The following ITGAM variants were observed in gnomAD, a reference collection of about 807,000 sequenced individuals.
ITGAM encodes integrin subunit alpha M.
A neutral mutation model predicts 137.5 loss-of-function variants in ITGAM; 79 were observed. The observed-to-expected ratio is 0.57, with a 90% CI of 0.48 to 0.69. The LOEUF (loss-of-function observed/expected upper bound fraction) is 0.69, where lower values mean the gene tolerates loss of function less well. Ranked by LOEUF, ITGAM falls within the 30% of genes least tolerant of loss-of-function variation. The pLI, the probability that ITGAM is intolerant of heterozygous loss-of-function variation, is 0.00. For missense variants in ITGAM, 1,343 were observed against 1,483.5 expected, an observed-to-expected ratio of 0.91 and a Z score of 1.56; for synonymous variants, 583 against 592.3, an observed-to-expected ratio of 0.98 and a Z score of 0.23.
Position 31,297,797 on chromosome 16 carries a change from G to A in ITGAM, c.1550G>A (p.Trp517Ter). The A allele has an allele frequency of 3.1e-6, 5 of 1,608,826 alleles. No individual in the cohort carries two copies. The highest frequency in any genetic ancestry group is 4.2e-6 in the Non-Finnish European group (5 of 1,178,198). Residue 517 changes from tryptophan to a stop codon, truncating the protein, a stop_gained, in exon 14 of 30, where the codon TGG becomes TAG. Coordinates refer to ENST00000544665, the MANE Select transcript of ITGAM (RefSeq NM_000632.4). LOFTEE classifies it high-confidence loss of function. ...CTCTACGGGGAGCAGGGCCAACCCT[G>A]GGGCCGCTTTGGGGCAGCCCTAACA... ...AVLYGEQGQP[W>*]GRFGAALTVL...
At chr16:31,311,345 G>A (rs1394020473) in intron 14 of ITGAM, among the ~76,000 whole-genome samples, 3 of 152,142 alleles carry the variant, frequency 2.0e-5, no homozygotes, top group Non-Finnish European at 4.4e-5. Context: ...GAGTGAACAG[G>A]CAACCTACTG....
chr16:31,291,705 A>G (rs2080088799), intron 12 of ITGAM, among the ~76,000 whole-genome samples: 1 of 152,054 alleles, frequency 6.6e-6, no homozygotes, highest in South Asian at 2.1e-4. Context: ...CAAATATTGC[A>G]TGTTCTCATT....
intron 1 of ITGAM, among the ~76,000 whole-genome samples, 178 bp from the exon 2 acceptor site, chr16:31,261,514 T>G (rs1325788973): frequency 1.4e-5 from 2 of 146,634 alleles, no homozygotes; most frequent in African/African-American, 2.5e-5. Flanking sequence ...TTAGTTTTTG[T>G]TTTTTTTTTG....
At position 31,302,435 on chromosome 16, in the gene ITGAM, CT is replaced by C. The variant is rs748828542; in HGVS notation, c.1707+4484del. On this transcript the variant is annotated intron_variant, in intron 14 of 29. Transcript: ENST00000544665. The stretch of plus-strand genomic sequence containing the variant: ...TTCTTTCTTTCTTTCTTTCTTCTTT[CT>C]TTCTTTCTTTCTTTCTTCCTTCCTT... Among the ~76,000 whole-genome samples, 21 of 93,292 alleles carry C rather than the reference CT, an allele frequency of 2.3e-4. No individual in the cohort carries two copies. The East Asian group carries it at 4.2e-3, about 18-fold the overall frequency. 61.2% of individuals were successfully genotyped at this position (93,292 alleles called of 152,430 possible). A position where few individuals can be genotyped will look rare whatever the true frequency, so the allele number is the denominator to read the frequency against.
At chr16:31,276,860 T>C in intron 10 of ITGAM, 60 bp from the exon 11 acceptor site, 1 of 1,593,920 alleles carries the variant, frequency 6.3e-7, no homozygotes, top group Non-Finnish European at 8.6e-7. Context: ...AGTAGCTCTG[T>C]GAGGGGCAGC....
chr16:31,322,819 G>T (rs540955951), intron 16 of ITGAM, among the ~76,000 whole-genome samples: 1 of 152,106 alleles, frequency 6.6e-6, no homozygotes, highest in Admixed American at 6.6e-5. Context: ...ACCAAAAATC[G>T]CACTGACTGA....
At chr16:31,287,682 T>G (rs2080043043) in intron 12 of ITGAM, among the ~76,000 whole-genome samples, 1 of 152,238 alleles carries the variant, frequency 6.6e-6, no homozygotes, top group Non-Finnish European at 1.5e-5. Context: ...TTGTAATTAA[T>G]GCATTGTATG....
At chr16:31,261,467 C>A (rs773443135) in intron 1 of ITGAM, among the ~76,000 whole-genome samples, 5 of 151,852 alleles carry the variant, frequency 3.3e-5, no homozygotes, top group Non-Finnish European at 5.9e-5. Flanking sequence ...CAGGCCTGAG[C>A]CACCACACCC....
At chr16:31,302,490 CTTTCCTTCTTT>C (rs2080216632) in intron 14 of ITGAM, among the ~76,000 whole-genome samples, 1 of 67,666 alleles carries the variant, frequency 1.5e-5, no homozygotes, top group African/African-American at 7.6e-5. Context: ...TTTCTTTTTT[CTTTCCTTCTTT>C]CTTTCTTTCT....
rs759949114 is a variant in ITGAM at position 31,276,909 on chromosome 16, A to G, written c.1084-11A>G. 22 of 1,609,674 alleles carry G rather than the reference A, an allele frequency of 1.4e-5. No individual in the cohort carries two copies. Among genetic ancestry groups the G allele is most frequent in the Admixed American group, 1.7e-5 (1 of 59,494 alleles). On this transcript the variant is annotated splice_polypyrimidine_tract_variant and intron_variant, in intron 10 of 29. Transcript: ENST00000544665. ...TCCTTCCTCATCAACCCTGTTCTACACCTTTCCCAGAATGGCCCCTTGCTG... is the reference window on the plus strand; with the variant it reads ...TCCTTCCTCATCAACCCTGTTCTACGCCTTTCCCAGAATGGCCCCTTGCTG...
intron 7 of ITGAM, 25 bp downstream of exon 7, chr16:31,272,017 A>G: frequency 6.2e-7 from 1 of 1,613,624 alleles, no homozygotes; most frequent in Non-Finnish European, 8.5e-7. Context: ...TTCCCTTAGG[A>G]TGGAGGGAGG....
chr16:31,261,616 C>T, intron 1 of ITGAM, 76 bp from the exon 2 acceptor site: 2 of 908,444 alleles, frequency 2.2e-6, no homozygotes, highest in South Asian at 2.9e-5. Context: ...CCTCAGCCCT[C>T]CAAAGTGCTA....
Position 31,325,114 on chromosome 16 carries a change from G to T in ITGAM, c.2363+83G>T, listed in dbSNP as rs2080493230. ...TTTTCTCCTCCTGGCCCCCAAGGGAGCCGGGTGTTCCTGGGCTATAAGGTC... is the reference window on the plus strand; with the variant it reads ...TTTTCTCCTCCTGGCCCCCAAGGGATCCGGGTGTTCCTGGGCTATAAGGTC... On this transcript the variant is annotated intron_variant, in intron 19 of 29. Transcript: ENST00000544665. 4 of 1,481,528 alleles carry T rather than the reference G, an allele frequency of 2.7e-6. No homozygotes were observed. In the South Asian group the frequency reaches 4.9e-5, roughly 18 times the overall value. 91.8% of individuals were successfully genotyped at this position (1,481,528 alleles called of 1,614,324 possible).
At chr16:31,269,590 G>A (rs2079806248) in intron 5 of ITGAM, among the ~76,000 whole-genome samples, 1 of 152,168 alleles carries the variant, frequency 6.6e-6, no homozygotes, top group Admixed American at 6.6e-5. Context: ...GGCGGTTTCA[G>A]TAAGATTTAT....
At chr16:31,292,365 G>A (rs2080095096) in intron 12 of ITGAM, among the ~76,000 whole-genome samples, 1 of 149,608 alleles carries the variant, frequency 6.7e-6, no homozygotes, top group African/African-American at 2.6e-5. Context: ...TGTCACCCAG[G>A]TATTAAGCCT....
At chr16:31,290,188 A>G (rs1462502045) in intron 12 of ITGAM, among the ~76,000 whole-genome samples, 1 of 152,078 alleles carries the variant, frequency 6.6e-6, no homozygotes, top group African/African-American at 2.4e-5. Context: ...ACACTTTCCA[A>G]TTCAAAACTT....
chr16:31,271,797 G>T (rs1273259839), intron 6 of ITGAM, 50 bp from the exon 7 acceptor site: 7 of 1,609,450 alleles, frequency 4.3e-6, no homozygotes, highest in African/African-American at 1.3e-5. Context: ...GGAGATGTCT[G>T]AGGGGTGGGG....
intron 2 of ITGAM, among the ~76,000 whole-genome samples, 161 bp downstream of exon 2, chr16:31,261,958 A>T (rs1430874506): frequency 1.3e-5 from 2 of 152,202 alleles, no homozygotes; most frequent in African/African-American, 4.8e-5. Context: ...AATTCAAAAG[A>T]TGCAAAAGGG....
intron 12 of ITGAM, 27 bp downstream of exon 12, chr16:31,278,136 G>A: frequency 6.3e-7 from 1 of 1,590,188 alleles, no homozygotes; most frequent in Non-Finnish European, 8.6e-7. Flanking sequence ...GAGCATGAAT[G>A]TGCAAACAGA....
Sources: allele counts gnomAD v4.1 joint callset (sites outside exome capture counted in the v4.1 genomes callset), GRCh38; gene constraint gnomAD v4.1.1; transcripts MANE v1.5; gene names NCBI Gene and HGNC (gene_info 2026-07-23, HGNC 2026-07-21).